The following RBPJ variants were observed in gnomAD, a reference collection of about 807,000 sequenced individuals.
RBPJ encodes recombination signal binding protein for immunoglobulin kappa J region.
RBPJ carries 9 observed loss-of-function variants against 67.8 expected under a neutral mutation model. The ratio of observed to expected loss-of-function variants is 0.13; its 90% CI spans 0.08 to 0.23. RBPJ has a LOEUF of 0.23. Among genes scored for constraint, RBPJ ranks in the 10% least tolerant of loss-of-function variants. The pLI is 1.00. For missense variants in RBPJ, 305 were observed against 595.6 expected, an observed-to-expected ratio of 0.51 and a Z score of 5.08; for synonymous variants, 198 against 203.3, an observed-to-expected ratio of 0.97 and a Z score of 0.22.
intron 1 of RBPJ, among the ~76,000 whole-genome samples, chr4:26,205,072 G>A (rs1040690582): frequency 6.6e-6 from 1 of 152,186 alleles, no homozygotes; most frequent in African/African-American, 2.4e-5. Context: ...ACTGCAGGAT[G>A]GGGGAGGGGC....
At chr4:26,204,550 C>T (rs1344399790) in intron 1 of RBPJ, among the ~76,000 whole-genome samples, 3 of 152,116 alleles carry the variant, frequency 2.0e-5, no homozygotes, top group Admixed American at 6.6e-5. Context: ...TGGGACTACT[C>T]GTGGGTAGCC....
At chr4:26,355,095 G>A (rs1297209408) in intron 1 of RBPJ, among the ~76,000 whole-genome samples, 1 of 151,900 alleles carries the variant, frequency 6.6e-6, no homozygotes, top group Admixed American at 6.6e-5. Flanking sequence ...TAGGGTAGAG[G>A]GCAGTGGTGA....
intron 1 of RBPJ, among the ~76,000 whole-genome samples, chr4:26,295,766 G>C (rs1721855460): frequency 1.3e-5 from 2 of 152,288 alleles, no homozygotes; most frequent in South Asian, 4.1e-4. Flanking sequence ...CAGCCACTCA[G>C]TGTGGGCTGG....
intron 1 of RBPJ, among the ~76,000 whole-genome samples, chr4:26,360,263 T>C (rs1378153046): frequency 6.6e-6 from 1 of 152,210 alleles, no homozygotes; most frequent in Admixed American, 6.5e-5. Context: ...TTTTTCCCTA[T>C]CCTGCCTGGA....
chr4:26,135,977 A>T, the RBPJ span, among the ~76,000 whole-genome samples: 3 of 152,186 alleles, frequency 2.0e-5, no homozygotes, highest in Admixed American at 6.5e-5. Flanking sequence ...TGACTCACAT[A>T]TGGCTGGGGA....
At chr4:26,259,035 C>T (rs2109247842) in intron 1 of RBPJ, among the ~76,000 whole-genome samples, 1 of 152,116 alleles carries the variant, frequency 6.6e-6, no homozygotes. Flanking sequence ...ACCTCCTGAC[C>T]TCGTGATCCA....
At chr4:26,120,668 A>G in the RBPJ span, among the ~76,000 whole-genome samples, 40 of 142,988 alleles carry the variant, frequency 2.8e-4, no homozygotes, top group Non-Finnish European at 5.3e-4. Flanking sequence ...TAATAGCCAT[A>G]TGTCAGCTTC....
In RBPJ at chr4:26,210,659, CTTTT is replaced by C. The variant is rs1195670312; in HGVS notation, c.-167+47048_-167+47051del. On this transcript the variant is annotated intron_variant, in intron 1 of 4. Transcript: ENST00000512351. Reference sequence around the variant, plus strand: ...TCAAACCCTTAAGCCAGCTTTCTTTCTTTTTTCTTTCTTTCTTTCTTTCTTTCCT... The same window carrying C: ...TCAAACCCTTAAGCCAGCTTTCTTTCTTCTTTCTTTCTTTCTTTCTTTCCT... 6.0e-5 allele frequency among the ~76,000 whole-genome samples: 4 copies of C among 66,640 alleles called. 1 individual carries two copies. Among genetic ancestry groups the C allele is most frequent in the Admixed American group, 4.6e-4 (3 of 6,474 alleles). 43.7% of individuals were successfully genotyped at this position (66,640 alleles called of 152,430 possible). A position where few individuals can be genotyped will look rare whatever the true frequency, so the allele number is the denominator to read the frequency against.
intron 1 of RBPJ, among the ~76,000 whole-genome samples, chr4:26,167,943 T>C (rs1560194704): frequency 1.3e-5 from 2 of 151,970 alleles, no homozygotes; most frequent in Admixed American, 6.6e-5. Context: ...TCCTCCATCC[T>C]TTTATTTTGA....
At chr4:26,112,687 T>C in the RBPJ span, 1 of 151,884 alleles carries the variant, frequency 6.6e-6, no homozygotes. Context: ...AGGCAGTATT[T>C]GTGAGAAGTC....
At position 26,264,403 on chromosome 4, in the gene RBPJ, C is replaced by G. The variant is rs1395120254; in HGVS notation, c.-166-98043C>G. 6.6e-6 allele frequency among the ~76,000 whole-genome samples: 1 copy of G among 152,168 alleles called. No individual in the cohort carries two copies. The highest frequency in any genetic ancestry group is 1.5e-5 in the Non-Finnish European group (1 of 68,016). ...TATGACAGCCTTCTGACTAACCTCC[C>G]TATCTCTCTTCTTTGCCTCCTACAT... On this transcript the variant is annotated intron_variant, in intron 1 of 4. Transcript: ENST00000512351. The surrounding 1 kb of genome is among the most constrained non-coding windows in gnomAD (Gnocchi z 4.1).
rs553751877 is a variant in RBPJ, at chr4:26,331,941, A to C, written c.20+10893A>C. The stretch of plus-strand genomic sequence containing the variant: ...CTACAACTTGAAATTTTATACTGAA[A>C]GATGATCTGGTTTATGAACATGATG... On this transcript the variant is annotated intron_variant, in intron 1 of 10. Coordinates refer to ENST00000355476, the MANE Select transcript of RBPJ (RefSeq NM_015874.6). Among the ~76,000 whole-genome samples, 16 of 152,342 alleles carry C rather than the reference A, an allele frequency of 1.1e-4. No individual in the cohort carries two copies. In the South Asian group the frequency reaches 3.3e-3, roughly 32 times the overall value.
At chr4:26,361,071 G>GTGTGTGTA (rs1324229488) in intron 1 of RBPJ, among the ~76,000 whole-genome samples, 8 of 151,382 alleles carry the variant, frequency 5.3e-5, no homozygotes, top group Middle Eastern at 3.2e-3. Flanking sequence ...GTGTGTGTGT[G>GTGTGTGTA]TGTGTGTGTC....
chr4:26,395,181 G>A (rs143506864), intron 2 of RBPJ, among the ~76,000 whole-genome samples: 14 of 152,268 alleles, frequency 9.2e-5, no homozygotes, highest in Admixed American at 3.3e-4. Flanking sequence ...TCCAGGCCAG[G>A]CATGGTGGCT....
chr4:26,117,856 G>T, the RBPJ span, among the ~76,000 whole-genome samples: 1 of 151,904 alleles, frequency 6.6e-6, no homozygotes, highest in African/African-American at 2.4e-5. Context: ...GGACATAACT[G>T]CTTATGATAT....
intron 5 of RBPJ, among the ~76,000 whole-genome samples, chr4:26,422,127 G>A (rs572079020): frequency 6.6e-6 from 1 of 151,984 alleles, no homozygotes; most frequent in Admixed American, 6.5e-5. Flanking sequence ...TGAACTGGTG[G>A]TTAGACATAA....
the RBPJ span, among the ~76,000 whole-genome samples, chr4:26,142,984 G>T: frequency 3.3e-5 from 5 of 152,288 alleles, no homozygotes; most frequent in Non-Finnish European, 7.4e-5. Flanking sequence ...GTTTCATCAT[G>T]TTGGCCAGGC....
chr4:26,310,139 G>A (rs1389123888), intron 1 of RBPJ, among the ~76,000 whole-genome samples: 1 of 152,160 alleles, frequency 6.6e-6, no homozygotes, highest in African/African-American at 2.4e-5. Context: ...AGAAAACGGT[G>A]AATATTTATT....
At chr4:26,193,073 C>T (rs111434715) in intron 1 of RBPJ, among the ~76,000 whole-genome samples, 3 of 152,226 alleles carry the variant, frequency 2.0e-5, no homozygotes, top group African/African-American at 7.2e-5. Flanking sequence ...ATTCAGGTCC[C>T]TAGAGGCTGG....
Sources: allele counts gnomAD v4.1 joint callset (sites outside exome capture counted in the v4.1 genomes callset), GRCh38; gene constraint gnomAD v4.1.1; non-coding constraint Gnocchi (gnomAD v3.1); transcripts MANE v1.5; gene names NCBI Gene and HGNC (gene_info 2026-07-23, HGNC 2026-07-21).